The following BBX variants were observed in gnomAD, a reference collection of about 807,000 sequenced individuals.
BBX encodes the protein HMG box transcription factor BBX.
Under a neutral mutation model 100.2 loss-of-function variants are expected in BBX, and 30 were observed. The observed-to-expected ratio is 0.30, with a 90% CI of 0.22 to 0.41. The LOEUF (loss-of-function observed/expected upper bound fraction) is 0.41. Ranked by LOEUF, BBX falls within the 10% of genes least tolerant of loss-of-function variation. The probability of loss-of-function intolerance (pLI) is 1.00; values close to 1 mark genes in which losing one functional copy is unlikely to be tolerated. For missense variants in BBX, 1,023 were observed against 1,129.8 expected, an observed-to-expected ratio of 0.91 and a Z score of 1.35; for synonymous variants, 376 against 388.1, an observed-to-expected ratio of 0.97 and a Z score of 0.37.
intron 2 of BBX, among the ~76,000 whole-genome samples, chr3:107,530,010 C>T (rs1474177687): frequency 6.6e-6 from 1 of 151,986 alleles, no homozygotes; most frequent in Admixed American, 6.6e-5. Flanking sequence ...CCAAATGTAC[C>T]AAAATGTAAA....
intron 2 of BBX, among the ~76,000 whole-genome samples, chr3:107,534,964 G>A (rs2048391633): frequency 6.6e-6 from 1 of 152,178 alleles, no homozygotes; most frequent in Non-Finnish European, 1.5e-5. Flanking sequence ...TCTGGACTAA[G>A]GGCTGCCTTA....
chr3:107,724,519 TCTA>T (rs2062777284), intron 5 of BBX, among the ~76,000 whole-genome samples: 1 of 152,212 alleles, frequency 6.6e-6, no homozygotes, highest in Non-Finnish European at 1.5e-5. Context: ...TAGGTTTTCT[TCTA>T]GGGTTTTTAT....
At chr3:107,790,113 A>G (rs1343418522) in intron 14 of BBX, among the ~76,000 whole-genome samples, 2 of 152,134 alleles carry the variant, frequency 1.3e-5, no homozygotes, top group African/African-American at 4.8e-5. Context: ...CCCCATATGA[A>G]TCCTAAAATT....
At chr3:107,535,805 G>C (rs534738450) in intron 2 of BBX, among the ~76,000 whole-genome samples, 1 of 152,110 alleles carries the variant, frequency 6.6e-6, no homozygotes, top group Non-Finnish European at 1.5e-5. Context: ...TGCCATGTTG[G>C]CCAGGCAGGT....
chr3:107,765,389 T>C (rs2066301631), intron 10 of BBX, among the ~76,000 whole-genome samples: 1 of 152,166 alleles, frequency 6.6e-6, no homozygotes, highest in Admixed American at 6.5e-5. Context: ...TCTATAGTCC[T>C]AGACAGTCTG....
chr3:107,770,420 C>T (rs1326411942), intron 10 of BBX, among the ~76,000 whole-genome samples: 2 of 152,078 alleles, frequency 1.3e-5, no homozygotes, highest in African/African-American at 4.8e-5. Flanking sequence ...TATAATTTCT[C>T]TCCCCCCACA....
chr3:107,558,603 T>C (rs2050252530), intron 2 of BBX, among the ~76,000 whole-genome samples: 1 of 152,210 alleles, frequency 6.6e-6, no homozygotes, highest in Admixed American at 6.5e-5. Flanking sequence ...CCAGATTCTT[T>C]GGGCAAGTTG....
intron 2 of BBX, among the ~76,000 whole-genome samples, chr3:107,571,205 G>A (rs1317761635): frequency 6.6e-6 from 1 of 152,074 alleles, no homozygotes; most frequent in Non-Finnish European, 1.5e-5. Context: ...GAAGGGGGTG[G>A]TGAGCAGCCC....
intron 2 of BBX, among the ~76,000 whole-genome samples, chr3:107,556,399 G>A (rs977964853): frequency 1.3e-5 from 2 of 152,022 alleles, no homozygotes; most frequent in African/African-American, 4.8e-5. Context: ...TTAGATGCTG[G>A]CCTTGAGTCA....
At chr3:107,713,928 T>A in intron 4 of BBX, among the ~76,000 whole-genome samples, 1 of 151,598 alleles carries the variant, frequency 6.6e-6, no homozygotes, top group East Asian at 1.9e-4. Flanking sequence ...TTCTCCTTTT[T>A]TTAATTTGTA....
At chr3:107,545,834 A>G (rs1029724192) in intron 2 of BBX, among the ~76,000 whole-genome samples, 10 of 152,234 alleles carry the variant, frequency 6.6e-5, no homozygotes, top group African/African-American at 1.9e-4. Context: ...AACCACAGTC[A>G]TGCTGGGGCT....
chr3:107,694,934 G>C lies in BBX; in HGVS notation c.-9-15518G>C, dbSNP rs557615818. 1.9e-4 allele frequency among the ~76,000 whole-genome samples: 29 copies of C among 151,864 alleles called. 1 individual carries two copies. Among genetic ancestry groups the C allele is most frequent in the African/African-American group, 4.9e-4 (20 of 41,146 alleles). The stretch of plus-strand genomic sequence containing the variant: ...CTGGTTTAGTCTTGGGAGGGTGTAT[G>C]TGTCGAGGAATTTATTCATTTCTTC... On this transcript the variant is annotated intron_variant, in intron 3 of 17. Coordinates refer to ENST00000325805, the MANE Select transcript of BBX (RefSeq NM_001142568.3).
chr3:107,780,851 C>T (rs915657603), intron 13 of BBX, among the ~76,000 whole-genome samples: 3 of 151,968 alleles, frequency 2.0e-5, no homozygotes, highest in African/African-American at 7.2e-5. Context: ...TTTTCTTAGA[C>T]TCTAGACCCT....
intron 2 of BBX, among the ~76,000 whole-genome samples, chr3:107,611,810 G>A (rs958215184): frequency 2.0e-5 from 3 of 151,998 alleles, no homozygotes; most frequent in African/African-American, 7.2e-5. Flanking sequence ...TAAATCCCTG[G>A]AATAAACTTT....
intron 9 of BBX, among the ~76,000 whole-genome samples, chr3:107,751,500 ATTTC>A (rs2065075262): frequency 6.6e-6 from 1 of 152,076 alleles, no homozygotes; most frequent in Non-Finnish European, 1.5e-5. Context: ...AACCCTGGTG[ATTTC>A]TTTAAGTCGA....
At chr3:107,626,811 C>T (rs1369450827) in intron 2 of BBX, among the ~76,000 whole-genome samples, 1 of 152,026 alleles carries the variant, frequency 6.6e-6, no homozygotes, top group Non-Finnish European at 1.5e-5. Flanking sequence ...CCCACCACCA[C>T]GGCTGACTAA....
intron 2 of BBX, among the ~76,000 whole-genome samples, chr3:107,584,923 C>G (rs576766626): frequency 1.3e-5 from 2 of 152,044 alleles, no homozygotes; most frequent in African/African-American, 4.8e-5. Context: ...CTCAGATGAT[C>G]TGCCCACCTC....
chr3:107,539,758 T>G lies in BBX; in HGVS notation c.-84+13360T>G, dbSNP rs185083790. On this transcript the variant is annotated intron_variant, in intron 2 of 17. Transcript: ENST00000325805. ...AGATAAATTGAATATAAATAAAAAT[T>G]TAATATTTTCCTGTCACTCACTCCA... is the stretch of plus-strand genomic sequence containing the variant. Among the ~76,000 whole-genome samples the G allele has an allele frequency of 3.9e-5, 6 of 152,258 alleles. No homozygotes were observed. The East Asian group carries it at 9.6e-4, about 24-fold the overall frequency.
intron 3 of BBX, among the ~76,000 whole-genome samples, chr3:107,655,148 C>G (rs1321222490): frequency 6.6e-6 from 1 of 152,084 alleles, no homozygotes; most frequent in African/African-American, 2.4e-5. Flanking sequence ...TTAACATTTA[C>G]TTTTATTGTT....
Sources: gnomAD v4.1 joint callset for allele counts (sites outside exome capture counted in the v4.1 genomes callset) on GRCh38, gnomAD v4.1.1 for gene constraint, MANE v1.5 for transcripts, NCBI Gene and HGNC (gene_info 2026-07-23, HGNC 2026-07-21) for gene names.